Variants in BBS9 observed in about 807,000 individuals in gnomAD.
BBS9 encodes the protein protein PTHB1.
Under a neutral mutation model 117.7 loss-of-function variants are expected in BBS9, and 89 were observed. The ratio of observed to expected loss-of-function variants is 0.76; its 90% CI spans 0.64 to 0.90. The LOEUF is 0.90. Among genes scored for constraint, BBS9 ranks in the 40% least tolerant of loss-of-function variants. The pLI is 0.00. For missense variants in BBS9, 982 were observed against 1,042.2 expected (o/e 0.94, Z 0.80); for synonymous variants, 379 against 370.9 (o/e 1.02, Z -0.25).
chr7:33,605,510 A>C lies in BBS9; in HGVS notation c.*284A>C, dbSNP rs1864468947. The stretch of plus-strand genomic sequence containing the variant: ...GTCACAGAATACAGTGAAATGACAT[A>C]GTTTTGGGTTAGATTTTATAATGCA... On this transcript the variant is annotated 3_prime_UTR_variant, in exon 23 of 23. Transcript: ENST00000242067. The C allele has an allele frequency of 2.4e-5, 11 of 458,448 alleles. 1 individual carries two copies. The South Asian group carries it at 3.3e-4, about 14-fold the overall frequency. The allele number at this position is 458,448 out of a possible 1,614,324, so 28.4% of individuals were successfully genotyped here.
chr7:33,310,456 C>T (rs1486875754), intron 9 of BBS9, among the ~76,000 whole-genome samples: 1 of 152,138 alleles, frequency 6.6e-6, no homozygotes, highest in Non-Finnish European at 1.5e-5. Flanking sequence ...TGGGCAAGAG[C>T]CAAAACACAT....
intron 18 of BBS9, among the ~76,000 whole-genome samples, chr7:33,387,583 A>T (rs1826251533): frequency 6.6e-6 from 1 of 152,038 alleles, no homozygotes. Context: ...TTTGACTTAC[A>T]CTAATAAAGG....
chr7:33,309,645 G>A (rs1462548499), intron 9 of BBS9, among the ~76,000 whole-genome samples: 1 of 152,166 alleles, frequency 6.6e-6, no homozygotes, highest in African/African-American at 2.4e-5. Context: ...CCAGCCTGTT[G>A]AATGTATGGT....
At chr7:33,343,559 C>A (rs150083053) in intron 11 of BBS9, among the ~76,000 whole-genome samples, 1,710 of 152,050 alleles carry the variant, frequency 0.011, 39 homozygotes, top group African/African-American at 0.039. Flanking sequence ...AGTGAAGTGG[C>A]GTGATCTGGG....
intron 20 of BBS9, among the ~76,000 whole-genome samples, chr7:33,519,374 C>T (rs1216743222): frequency 1.3e-5 from 2 of 152,128 alleles, no homozygotes; most frequent in African/African-American, 4.8e-5. Context: ...GTAGCTGCTC[C>T]AAGTATTCTC....
chr7:33,314,956 A>G (rs983727320), intron 9 of BBS9, among the ~76,000 whole-genome samples: 7 of 152,222 alleles, frequency 4.6e-5, no homozygotes, highest in South Asian at 2.1e-4. Flanking sequence ...GATTGTGCCA[A>G]TTAGCTTTGC....
intron 21 of BBS9, among the ~76,000 whole-genome samples, chr7:33,585,041 T>C (rs1860652073): frequency 6.6e-6 from 1 of 152,166 alleles, no homozygotes; most frequent in Non-Finnish European, 1.5e-5. Context: ...TTTTCCACTT[T>C]ATTATTTTAC....
At chr7:33,195,684 A>G (rs1414627451) in intron 5 of BBS9, among the ~76,000 whole-genome samples, 1 of 151,850 alleles carries the variant, frequency 6.6e-6, no homozygotes, top group East Asian at 1.9e-4. Flanking sequence ...AATTACTTAA[A>G]TTCTCTAATA....
intron 17 of BBS9, among the ~76,000 whole-genome samples, chr7:33,369,750 A>G (rs1822506349): frequency 6.6e-6 from 1 of 152,164 alleles, no homozygotes; most frequent in Admixed American, 6.5e-5. Flanking sequence ...TTATCAGAGT[A>G]TTCATTCCTA....
chr7:33,631,523 CAT>C (rs1236754194), intron 21 of BBS9, among the ~76,000 whole-genome samples: 6 of 152,186 alleles, frequency 3.9e-5, no homozygotes, highest in East Asian at 1.9e-4. Context: ...AGTGGAGGAA[CAT>C]GTGTGTAGAA....
At chr7:33,388,228 A>T in intron 19 of BBS9, 84 bp downstream of exon 19, 1 of 1,492,304 alleles carries the variant, frequency 6.7e-7, no homozygotes, top group Non-Finnish European at 9.3e-7. Flanking sequence ...AATATCCAAG[A>T]TAAGGTACTC....
chr7:33,633,455 A>T (rs1012526690), intron 21 of BBS9, among the ~76,000 whole-genome samples: 2 of 151,916 alleles, frequency 1.3e-5, no homozygotes, highest in African/African-American at 4.8e-5. Flanking sequence ...TTGGGAATGC[A>T]TGAACACCAT....
At chr7:33,606,582 C>G (rs1390646191), downstream of BBS9, among the ~76,000 whole-genome samples, 1 of 152,156 alleles carries the variant, frequency 6.6e-6, no homozygotes, top group Admixed American at 6.5e-5. Context: ...TAACCACTTT[C>G]CCCAGTGCTT....
intron 1 of BBS9, among the ~76,000 whole-genome samples, chr7:33,141,189 G>A (rs1285946569): frequency 6.6e-6 from 1 of 152,046 alleles, no homozygotes; most frequent in Non-Finnish European, 1.5e-5. Flanking sequence ...TTGGGAGGCC[G>A]AGATGGGTGG....
At chr7:33,172,328 C>T (rs1199510929) in intron 4 of BBS9, among the ~76,000 whole-genome samples, 2 of 151,708 alleles carry the variant, frequency 1.3e-5, no homozygotes, top group Admixed American at 1.3e-4. Context: ...TTGCAGTGAG[C>T]CAAGATCGTG....
intron 21 of BBS9, among the ~76,000 whole-genome samples, chr7:33,594,675 G>A (rs1032732001): frequency 6.6e-6 from 1 of 152,096 alleles, no homozygotes; most frequent in South Asian, 2.1e-4. Context: ...AAGTCTTCCA[G>A]TCTTACCTAG....
intron 5 of BBS9, among the ~76,000 whole-genome samples, chr7:33,223,471 A>G (rs1346802882): frequency 6.6e-6 from 1 of 152,188 alleles, no homozygotes; most frequent in African/African-American, 2.4e-5. Context: ...CTGCCTATGC[A>G]CAACACACTT....
chr7:33,262,247 T>TA (rs1354773710), intron 6 of BBS9, among the ~76,000 whole-genome samples: 1 of 152,186 alleles, frequency 6.6e-6, no homozygotes, highest in Non-Finnish European at 1.5e-5. Context: ...AAGGCCGCTT[T>TA]AGGGGCTCAC....
chr7:33,165,563 C>G (rs529290043), intron 4 of BBS9, among the ~76,000 whole-genome samples: 6 of 151,690 alleles, frequency 4.0e-5, no homozygotes, highest in Non-Finnish European at 5.9e-5. Flanking sequence ...CTTCTCTTCT[C>G]GCTTTATGTC....
Sources: gnomAD v4.1 joint callset for allele counts (sites outside exome capture counted in the v4.1 genomes callset) on GRCh38, gnomAD v4.1.1 for gene constraint, MANE v1.5 for transcripts, NCBI Gene and HGNC (gene_info 2026-07-23, HGNC 2026-07-21) for gene names.